CTNNA3: variants seen among roughly 807,000 people sequenced by gnomAD.
CTNNA3 encodes catenin alpha 3, also known as catenin alpha-3.
A neutral mutation model predicts 95.7 loss-of-function variants in CTNNA3; 76 were observed. The observed-to-expected ratio is 0.79, with a 90% confidence interval of 0.66 to 0.96. CTNNA3 has a LOEUF of 0.96. Among genes scored for constraint, CTNNA3 ranks in the 40% least tolerant of loss-of-function variants. The pLI, the probability that CTNNA3 is intolerant of heterozygous loss-of-function variation, is 0.00. For missense variants in CTNNA3, 1,191 were observed against 1,089.8 expected, an observed-to-expected ratio of 1.09 and a Z score of -1.31; for synonymous variants, 431 against 374.4, an observed-to-expected ratio of 1.15 and a Z score of -1.74.
At chr10:66,074,636 T>C (rs1406866787) in intron 14 of CTNNA3, among the ~76,000 whole-genome samples, 1 of 151,902 alleles carries the variant, frequency 6.6e-6, no homozygotes, top group Non-Finnish European at 1.5e-5. Context: ...TCTTCAAGTG[T>C]GTGTAATTAT....
At chr10:66,832,482 T>C (rs1413963554) in intron 7 of CTNNA3, among the ~76,000 whole-genome samples, 1 of 152,134 alleles carries the variant, frequency 6.6e-6, no homozygotes, top group Non-Finnish European at 1.5e-5. Flanking sequence ...ATATATTGTT[T>C]TTGAGGAGGC....
chr10:66,033,975 A>G lies in CTNNA3; in HGVS notation c.2159+35333T>C, dbSNP rs559989700. Among the ~76,000 whole-genome samples, 8 of 152,346 alleles carry G rather than the reference A, an allele frequency of 5.3e-5. No homozygotes were observed. The South Asian group carries it at 1.7e-3, about 32-fold the overall frequency. On this transcript the variant is annotated intron_variant, in intron 15 of 17. Transcript: ENST00000433211. Reference sequence around the variant, plus strand: ...ACTTGTGAGGCCTTCAGTTATGAAGATATTTTCTCCATGCCTCAATGCCTG... The same window carrying G: ...ACTTGTGAGGCCTTCAGTTATGAAGGTATTTTCTCCATGCCTCAATGCCTG...
chr10:66,980,195 G>A (rs1419319135), intron 7 of CTNNA3, among the ~76,000 whole-genome samples: 4 of 152,112 alleles, frequency 2.6e-5, no homozygotes, highest in South Asian at 2.1e-4. Flanking sequence ...ACTGACCTAC[G>A]GCAGTCAATA....
intron 13 of CTNNA3, among the ~76,000 whole-genome samples, chr10:66,109,415 G>T (rs182769728): frequency 6.6e-6 from 1 of 152,244 alleles, no homozygotes; most frequent in African/African-American, 2.4e-5. Flanking sequence ...ACCAACCCTA[G>T]CTTCTATCTA....
At chr10:67,588,618 G>T (rs1454296664) in intron 3 of CTNNA3, among the ~76,000 whole-genome samples, 1 of 152,040 alleles carries the variant, frequency 6.6e-6, no homozygotes, top group Non-Finnish European at 1.5e-5. Context: ...GCATGGGTTT[G>T]ATTAGTGCTG....
intron 9 of CTNNA3, among the ~76,000 whole-genome samples, chr10:66,687,794 T>C (rs10822876): frequency 0.55 from 83,878 of 151,580 alleles, 23,975 homozygotes; most frequent in African/African-American, 0.68. Context: ...ATATGGAAGA[T>C]GGTGATTATC....
At chr10:66,400,086 T>A (rs749095576) in intron 11 of CTNNA3, among the ~76,000 whole-genome samples, 29 of 152,026 alleles carry the variant, frequency 1.9e-4, no homozygotes, top group Non-Finnish European at 2.6e-4. Flanking sequence ...TTTTATAGCC[T>A]ATTAAATTTA....
At chr10:66,034,960 T>C (rs989162292) in intron 15 of CTNNA3, among the ~76,000 whole-genome samples, 2 of 152,246 alleles carry the variant, frequency 1.3e-5, no homozygotes, top group Admixed American at 1.3e-4. Flanking sequence ...TGTAACTATT[T>C]TATATCACTC....
chr10:66,603,403 A>T (rs1328533240), intron 10 of CTNNA3, among the ~76,000 whole-genome samples: 2 of 152,168 alleles, frequency 1.3e-5, no homozygotes, highest in African/African-American at 4.8e-5. Context: ...GTCTTTGCAA[A>T]GAAAACTGTA....
At chr10:66,644,333 C>T (rs987195931) in intron 9 of CTNNA3, among the ~76,000 whole-genome samples, 1 of 146,860 alleles carries the variant, frequency 6.8e-6, no homozygotes, top group African/African-American at 2.5e-5. Context: ...TAAAATAATA[C>T]TTTACATATA....
chr10:66,227,355 TACTTAA>T (rs775293592), intron 13 of CTNNA3, among the ~76,000 whole-genome samples: 56 of 143,668 alleles, frequency 3.9e-4, no homozygotes, highest in Non-Finnish European at 7.4e-4. Flanking sequence ...TACACTTCTA[TACTTAA>T]TTTGTTAAGA....
intron 7 of CTNNA3, among the ~76,000 whole-genome samples, chr10:67,078,797 T>C (rs539241725): frequency 6.6e-6 from 1 of 152,288 alleles, no homozygotes; most frequent in African/African-American, 2.4e-5. Context: ...ATTACAGATG[T>C]GAGCCACCGC....
chr10:66,470,828 C>G (rs1839101092), intron 11 of CTNNA3, among the ~76,000 whole-genome samples: 1 of 151,878 alleles, frequency 6.6e-6, no homozygotes, highest in South Asian at 2.1e-4. Context: ...CATTAATTCT[C>G]TTGAAAAGAA....
intron 12 of CTNNA3, among the ~76,000 whole-genome samples, chr10:66,320,068 G>A (rs1041208892): frequency 2.0e-5 from 3 of 152,066 alleles, no homozygotes; most frequent in Non-Finnish European, 2.9e-5. Context: ...ACGTTGTGGG[G>A]CTGTTGTGAG....
intron 2 of CTNNA3, among the ~76,000 whole-genome samples, chr10:67,620,651 G>A (rs575746662): frequency 5.7e-4 from 87 of 152,164 alleles, no homozygotes; most frequent in African/African-American, 2.0e-3. Flanking sequence ...GTACAAAAAG[G>A]AAAGCTACAT....
At chr10:67,488,719 G>C (rs530211378) in intron 5 of CTNNA3, among the ~76,000 whole-genome samples, 1 of 147,974 alleles carries the variant, frequency 6.8e-6, no homozygotes, top group South Asian at 2.1e-4. Flanking sequence ...ACCTAGGCTG[G>C]AGTGCAATGG....
intron 17 of CTNNA3, among the ~76,000 whole-genome samples, chr10:65,948,238 G>A (rs923451192): frequency 2.8e-5 from 4 of 142,670 alleles, no homozygotes; most frequent in African/African-American, 1.1e-4. Context: ...CCGAGATCAT[G>A]CCACTGCACT....
rs1244803300 is a variant in CTNNA3 at position 65,917,253 on chromosome 10, T to C, written c.*3077A>G. 6.6e-6 allele frequency: 1 copy of C among 152,162 alleles called. No homozygotes were observed. Among genetic ancestry groups the C allele is most frequent in the African/African-American group, 2.4e-5 (1 of 41,458 alleles). The allele number at this position is 152,162 out of a possible 1,614,324, so 9.4% of individuals were successfully genotyped here. The stretch of plus-strand genomic sequence containing the variant: ...ATAATAAATAATAAACAGAAAGGAA[T>C]AATGAACAAATTAGCTTAGAAATTT... On this transcript the variant is annotated 3_prime_UTR_variant, in exon 18 of 18. Transcript: ENST00000433211.
At chr10:66,031,948 GT>G (rs1242155337) in intron 15 of CTNNA3, among the ~76,000 whole-genome samples, 1 of 152,118 alleles carries the variant, frequency 6.6e-6, no homozygotes, top group Non-Finnish European at 1.5e-5. Flanking sequence ...GAAGTAGCTG[GT>G]AAAGGAACTG....
Sources: allele counts gnomAD v4.1 joint callset (sites outside exome capture counted in the v4.1 genomes callset), GRCh38; gene constraint gnomAD v4.1.1; transcripts MANE v1.5; gene names NCBI Gene and HGNC (gene_info 2026-07-23, HGNC 2026-07-21).